The following RAB3GAP1 variants were observed in gnomAD, a reference collection of about 807,000 sequenced individuals.
RAB3GAP1 encodes RAB3 GTPase activating protein catalytic subunit 1.
In RAB3GAP1, 86 loss-of-function variants were observed where a neutral mutation model predicts 130.7. The observed-to-expected ratio is 0.66, with a 90% CI of 0.55 to 0.79. RAB3GAP1 has a LOEUF of 0.79. RAB3GAP1 is among the 30% of genes least tolerant of loss of function. The pLI is 0.00. For synonymous variants in RAB3GAP1, 367 were observed against 401.7 expected (o/e 0.91, Z 1.03); for missense variants, 1,029 against 1,169.4 (o/e 0.88, Z 1.75).
chr2:135,087,523 A>G (rs571369327), intron 3 of RAB3GAP1, among the ~76,000 whole-genome samples: 1 of 152,286 alleles, frequency 6.6e-6, no homozygotes, highest in South Asian at 2.1e-4. Context: ...CATGTATGTG[A>G]TGTATCTCTA....
intron 7 of RAB3GAP1, among the ~76,000 whole-genome samples, chr2:135,118,246 A>G (rs1301701820): frequency 6.6e-6 from 1 of 152,130 alleles, no homozygotes; most frequent in Non-Finnish European, 1.5e-5. Flanking sequence ...TGTGGAACCC[A>G]ACTTACATCT....
At position 135,101,686 on chromosome 2, in the gene RAB3GAP1, AT is replaced by A. The variant is rs565757725; in HGVS notation, c.362+7994del. On this transcript the variant is annotated intron_variant, in intron 5 of 23. Coordinates refer to ENST00000264158, the MANE Select transcript of RAB3GAP1 (RefSeq NM_012233.3). ...TTTATAAAAGTGGACTTTAAAAGATATGTGGGCATGATCAATTTTATGTTCT... is the reference window on the plus strand; with the variant it reads ...TTTATAAAAGTGGACTTTAAAAGATAGTGGGCATGATCAATTTTATGTTCT... Among the ~76,000 whole-genome samples, 4 of 152,326 alleles carry A rather than the reference AT, an allele frequency of 2.6e-5. No homozygotes were observed. The South Asian group carries it at 8.3e-4, about 32-fold the overall frequency.
intron 19 of RAB3GAP1, among the ~76,000 whole-genome samples, chr2:135,157,560 G>A (rs763020220): frequency 2.6e-5 from 4 of 152,210 alleles, no homozygotes; most frequent in South Asian, 2.1e-4. Flanking sequence ...GAGGCCAGGC[G>A]CTGGTGGCTC....
Position 135,061,003 on chromosome 2 carries a change from C to G in RAB3GAP1, c.150+2917C>G, listed in dbSNP as rs574560659. The stretch of plus-strand genomic sequence containing the variant: ...ACAAGTGTGAACCACTGGGCCCAGC[C>G]TTTTTTTTTTTTTTTTTTTAAATAA... On this transcript the variant is annotated intron_variant, in intron 3 of 23. Transcript: ENST00000264158. Among the ~76,000 whole-genome samples the G allele has an allele frequency of 3.5e-3, 458 of 131,078 alleles. 3 individuals carry two copies. The highest frequency in any genetic ancestry group is 8.8e-3 in the South Asian group (36 of 4,074). The allele number at this position is 131,078 out of a possible 152,430, so 86.0% of individuals were successfully genotyped here.
In RAB3GAP1 at chr2:135,146,199, CTTTTT is replaced by C. The variant is rs1173567563; in HGVS notation, c.1924-4151_1924-4147del. Reference sequence around the variant, plus strand: ...CCAAGTGTATAAGTGCATATTTGTTCTTTTTTTTTTTTTTTTTTTTTTTGAGACAA... The same window carrying C: ...CCAAGTGTATAAGTGCATATTTGTTCTTTTTTTTTTTTTTTTTTGAGACAA... On this transcript the variant is annotated intron_variant, in intron 17 of 23. Transcript: ENST00000264158. 1.4e-4 allele frequency among the ~76,000 whole-genome samples: 14 copies of C among 96,564 alleles called. 1 individual carries two copies. In the East Asian group the frequency reaches 4.0e-3, roughly 27 times the overall value. The allele number at this position is 96,564 out of a possible 152,430, so 63.3% of individuals were successfully genotyped here.
At chr2:135,109,506 T>C (rs767442031) in intron 5 of RAB3GAP1, among the ~76,000 whole-genome samples, 3 of 152,176 alleles carry the variant, frequency 2.0e-5, no homozygotes, top group Non-Finnish European at 4.4e-5. Context: ...TAAAGAAATA[T>C]GTAATTCGTT....
chr2:135,105,561 T>C (rs1690577069), intron 5 of RAB3GAP1, among the ~76,000 whole-genome samples: 1 of 152,078 alleles, frequency 6.6e-6, no homozygotes, highest in Non-Finnish European at 1.5e-5. Flanking sequence ...TGGAGTGCAG[T>C]GGCGTGATCT....
At position 135,170,083 on chromosome 2, in the gene RAB3GAP1, C is replaced by A. The variant is rs557776134; in HGVS notation, c.*1302C>A. ...GAGGCCCTGGGGGATGACCTCCCAG[C>A]CTTTATGATGCTTTTCTCTATGCTG... On this transcript the variant is annotated 3_prime_UTR_variant, in exon 24 of 24. Coordinates refer to ENST00000264158, the MANE Select transcript of RAB3GAP1 (RefSeq NM_012233.3). The A allele has an allele frequency of 1.1e-5, 2 of 182,592 alleles. No individual in the cohort carries two copies. The highest frequency in any genetic ancestry group is 2.3e-5 in the Non-Finnish European group (2 of 87,678). The allele number at this position is 182,592 out of a possible 1,614,324, so 11.3% of individuals were successfully genotyped here.
chr2:135,137,775 TCAA>T (rs1265978739), intron 17 of RAB3GAP1, among the ~76,000 whole-genome samples: 1 of 152,100 alleles, frequency 6.6e-6, no homozygotes, highest in Non-Finnish European at 1.5e-5. Context: ...CAGCAATAAC[TCAA>T]CAACAACAGC....
downstream of RAB3GAP1, chr2:135,175,186 G>A (rs1692974662): frequency 6.6e-6 from 1 of 152,290 alleles, no homozygotes; most frequent in Admixed American, 6.5e-5. Flanking sequence ...GAGGGACATG[G>A]TAAGAAGGCT....
chr2:135,114,367 G>A (rs1009970177), intron 6 of RAB3GAP1, among the ~76,000 whole-genome samples: 8 of 152,060 alleles, frequency 5.3e-5, no homozygotes, highest in African/African-American at 1.9e-4. Flanking sequence ...AATCTACTGG[G>A]GAAGAATTAA....
At chr2:135,073,890 G>A (rs946346574) in intron 3 of RAB3GAP1, among the ~76,000 whole-genome samples, 3 of 152,160 alleles carry the variant, frequency 2.0e-5, no homozygotes, top group Non-Finnish European at 2.9e-5. Flanking sequence ...CGTAAAAAAC[G>A]TCTGTTGGGG....
intron 7 of RAB3GAP1, 50 bp from the exon 8 acceptor site, chr2:135,120,769 G>C (rs1691172665): frequency 7.6e-7 from 1 of 1,315,972 alleles, no homozygotes. Flanking sequence ...GAATTAATAT[G>C]AAAAGGGTAC....
chr2:135,174,899 G>A (rs921118683), downstream of RAB3GAP1, among the ~76,000 whole-genome samples: 3 of 152,206 alleles, frequency 2.0e-5, no homozygotes, highest in Admixed American at 6.5e-5. Context: ...AAGGGCTTCC[G>A]TTGCCACTGA....
At chr2:135,160,923 T>A (rs1692450133) in intron 19 of RAB3GAP1, among the ~76,000 whole-genome samples, 1 of 152,132 alleles carries the variant, frequency 6.6e-6, no homozygotes, top group South Asian at 2.1e-4. Flanking sequence ...CTATAGTATG[T>A]ACACACATGA....
chr2:135,162,510 T>G (rs1215841119), intron 19 of RAB3GAP1, 45 bp from the exon 20 acceptor site: 1 of 1,486,724 alleles, frequency 6.7e-7, no homozygotes. Flanking sequence ...TGCTTCATCC[T>G]TTGACACCTG....
intron 18 of RAB3GAP1, 120 bp downstream of exon 18, chr2:135,150,626 C>T (rs1558800577): frequency 1.5e-5 from 19 of 1,286,814 alleles, no homozygotes; most frequent in Non-Finnish European, 1.9e-5. Flanking sequence ...GTTTGGATTT[C>T]ATTAGTAGTT....
chr2:135,065,103 T>C (rs949610655), intron 3 of RAB3GAP1, among the ~76,000 whole-genome samples: 1 of 152,184 alleles, frequency 6.6e-6, no homozygotes, highest in Non-Finnish European at 1.5e-5. Flanking sequence ...TATATAAATT[T>C]GGGGGACTTA....
At chr2:135,079,429 C>A (rs1158521997) in intron 3 of RAB3GAP1, among the ~76,000 whole-genome samples, 1 of 152,210 alleles carries the variant, frequency 6.6e-6, no homozygotes, top group African/African-American at 2.4e-5. Flanking sequence ...TATGAGACTT[C>A]ACAGAAGCCT....
Sources: allele counts gnomAD v4.1 joint callset (sites outside exome capture counted in the v4.1 genomes callset), GRCh38; gene constraint gnomAD v4.1.1; transcripts MANE v1.5; gene names NCBI Gene and HGNC (gene_info 2026-07-23, HGNC 2026-07-21).